VSTM5: variants seen among roughly 807,000 people sequenced by gnomAD.
VSTM5 encodes the protein V-set and transmembrane domain containing 5, also known as V-set and transmembrane domain-containing protein 5.
A neutral mutation model predicts 20.3 loss-of-function variants in VSTM5; 21 were observed. The ratio of observed to expected loss-of-function variants is 1.03; its 90% confidence interval spans 0.73 to 1.49. VSTM5 has a LOEUF of 1.49. Ranked by LOEUF, VSTM5 falls within the 40% of genes most tolerant of loss-of-function variation. The pLI is 0.00. For synonymous variants in VSTM5, 100 were observed against 102.5 expected (o/e 0.98, Z 0.14); for missense variants, 219 against 250.0 (o/e 0.88, Z 0.84).
intron 1 of VSTM5, 151 bp downstream of exon 1, chr11:93,850,261 G>T: frequency 1.8e-6 from 1 of 569,686 alleles, no homozygotes; most frequent in Non-Finnish European, 2.9e-6. Flanking sequence ...CGAGGAAGCG[G>T]CGCGGTGCCT....
At chr11:93,850,151 C>A (rs925426579) in intron 1 of VSTM5, among the ~76,000 whole-genome samples, 1 of 152,086 alleles carries the variant, frequency 6.6e-6, no homozygotes, top group Non-Finnish European at 1.5e-5. Context: ...GTGGGGCGGG[C>A]GCCCCGAAGT....
At chr11:93,836,588 C>T (rs199513295) in intron 1 of VSTM5, among the ~76,000 whole-genome samples, 2 of 152,370 alleles carry the variant, frequency 1.3e-5, no homozygotes, top group East Asian at 3.9e-4. Context: ...TTCATTCATC[C>T]TTCAGATCTC....
At chr11:93,826,805 T>A (rs1317045487) in intron 1 of VSTM5, among the ~76,000 whole-genome samples, 1 of 152,202 alleles carries the variant, frequency 6.6e-6, no homozygotes, top group Admixed American at 6.5e-5. Flanking sequence ...CATTTTTATT[T>A]GTTTCAAGAT....
At position 93,821,264 on chromosome 11, in the gene VSTM5, T is replaced by A. The variant is rs1944183768; in HGVS notation, c.151A>T (p.Ile51Phe). Residue 51 changes from isoleucine to phenylalanine, a missense_variant, in exon 2 of 4, where the codon ATC becomes TTC. Coordinates refer to ENST00000409977, the MANE Select transcript of VSTM5 (RefSeq NM_001144871.2). ...CAGGAGTACTCAACTGAGAGCAGGATGTCTTCTTTGACAGTGGCATTGATG... is the reference window on the plus strand; with the variant it reads ...CAGGAGTACTCAACTGAGAGCAGGAAGTCTTCTTTGACAGTGGCATTGATG... The part of the protein sequence containing the change: ...ATINATVKED[I>F]LLSVEYSCHG... 4.5e-6 allele frequency: 7 copies of A among 1,551,744 alleles called. No individual in the cohort carries two copies. The highest frequency in any genetic ancestry group is 6.1e-6 in the Non-Finnish European group (7 of 1,147,028).
rs576217224 is a variant in VSTM5 at position 93,833,492 on chromosome 11, A to G, written c.92-12169T>C. Among the ~76,000 whole-genome samples the G allele has an allele frequency of 5.3e-5, 8 of 152,242 alleles. No homozygotes were observed. In the East Asian group the frequency reaches 1.5e-3, roughly 29 times the overall value. The stretch of plus-strand genomic sequence containing the variant: ...TACTTGAGTGGCTGAGGGTGGGAGG[A>G]TAGCTTCAGCTCAGGAGGCAGAGGT... On this transcript the variant is annotated intron_variant, in intron 1 of 3. Transcript: ENST00000409977.
intron 1 of VSTM5, among the ~76,000 whole-genome samples, chr11:93,847,373 C>A (rs909176471): frequency 5.9e-5 from 9 of 152,162 alleles, no homozygotes; most frequent in African/African-American, 2.2e-4. Context: ...ATCCCATCCG[C>A]CCCCACCTTC....
chr11:93,836,783 G>A (rs985247370), intron 1 of VSTM5, among the ~76,000 whole-genome samples: 2 of 152,102 alleles, frequency 1.3e-5, no homozygotes, highest in African/African-American at 2.4e-5. Flanking sequence ...TTGCCTATTT[G>A]GTTCCCTGTT....
rs370598134 is a variant in VSTM5 at position 93,822,162 on chromosome 11, A to C, written c.92-839T>G. On this transcript the variant is annotated intron_variant, in intron 1 of 3. Coordinates refer to ENST00000409977, the MANE Select transcript of VSTM5 (RefSeq NM_001144871.2). Reference sequence around the variant, plus strand: ...AATGGCTCGATCTCAGCTCACTGCAACCTCCACCTCCTGGGTTGAAGCGAT... The same window carrying C: ...AATGGCTCGATCTCAGCTCACTGCACCCTCCACCTCCTGGGTTGAAGCGAT... 9 of 146,866 alleles carry C rather than the reference A, an allele frequency of 6.1e-5. No individual in the cohort carries two copies. The East Asian group carries it at 1.9e-3, about 31-fold the overall frequency. 9.1% of individuals were successfully genotyped at this position (146,866 alleles called of 1,614,324 possible). A position where few individuals can be genotyped will look rare whatever the true frequency, so the allele number is the denominator to read the frequency against.
chr11:93,841,651 G>C (rs1190948450), intron 1 of VSTM5, among the ~76,000 whole-genome samples: 1 of 152,238 alleles, frequency 6.6e-6, no homozygotes, highest in Non-Finnish European at 1.5e-5. Context: ...AAAGGATTCT[G>C]TAAGACCTCA....
intron 1 of VSTM5, among the ~76,000 whole-genome samples, chr11:93,844,202 C>A (rs1944394386): frequency 6.6e-6 from 1 of 152,154 alleles, no homozygotes; most frequent in Non-Finnish European, 1.5e-5. Context: ...CTCTGAAATC[C>A]CATCCCGAAG....
intron 1 of VSTM5, among the ~76,000 whole-genome samples, chr11:93,835,001 T>A (rs1012983695): frequency 1.3e-5 from 2 of 152,092 alleles, no homozygotes; most frequent in African/African-American, 4.8e-5. Context: ...AGTTTGGCTC[T>A]CAATGAGCCT....
chr11:93,825,479 G>C (rs1163355853), intron 1 of VSTM5, among the ~76,000 whole-genome samples: 1 of 152,128 alleles, frequency 6.6e-6, no homozygotes, highest in African/African-American at 2.4e-5. Context: ...CTGCTTTTTT[G>C]ATTTCTCTGA....
At chr11:93,821,689 C>T (rs1019475173) in intron 1 of VSTM5, 7 of 228,700 alleles carry the variant, frequency 3.1e-5, no homozygotes, top group Admixed American at 2.6e-4. Context: ...CTCCTTCTCA[C>T]TCAAGCCCTC....
intron 1 of VSTM5, among the ~76,000 whole-genome samples, chr11:93,840,440 C>A (rs191329981): frequency 2.4e-4 from 37 of 152,226 alleles, no homozygotes; most frequent in African/African-American, 8.7e-4. Context: ...AGCTGAAGAC[C>A]ATTTATTAGA....
intron 1 of VSTM5, 66 bp from the exon 2 acceptor site, chr11:93,821,389 A>G: frequency 7.4e-7 from 1 of 1,360,488 alleles, no homozygotes; most frequent in Non-Finnish European, 1.0e-6. Flanking sequence ...AACTTATATA[A>G]TTTGTTGATC....
At chr11:93,845,994 C>A (rs1944408145) in intron 1 of VSTM5, among the ~76,000 whole-genome samples, 1 of 152,184 alleles carries the variant, frequency 6.6e-6, no homozygotes, top group Admixed American at 6.5e-5. Flanking sequence ...TCCAGGCTGA[C>A]AAAAATTGTA....
rs999904520 is a variant in VSTM5, at chr11:93,820,102, G to A, written c.*467C>T. On this transcript the variant is annotated 3_prime_UTR_variant, in exon 4 of 4. Transcript: ENST00000409977. Reference sequence around the variant, plus strand: ...CTCCCACAGCAGTGCTTGCTTGTGGGATACCAGATGGGGGGCTGGTTGGCA... The same window carrying A: ...CTCCCACAGCAGTGCTTGCTTGTGGAATACCAGATGGGGGGCTGGTTGGCA... The A allele has an allele frequency of 1.1e-5, 2 of 182,466 alleles. No individual in the cohort carries two copies. Among genetic ancestry groups the A allele is most frequent in the Non-Finnish European group, 2.3e-5 (2 of 87,388 alleles). The allele number at this position is 182,466 out of a possible 1,614,324, so 11.3% of individuals were successfully genotyped here. A position where few individuals can be genotyped will look rare whatever the true frequency, so the allele number is the denominator to read the frequency against.
chr11:93,823,204 CT>C (rs67984385), intron 1 of VSTM5, among the ~76,000 whole-genome samples: 118,307 of 148,662 alleles, frequency 0.8, 47,997 homozygotes, highest in Admixed American at 0.89. Flanking sequence ...TTTTCCTTTT[CT>C]TTTTTTTTTT....
At position 93,845,032 on chromosome 11, in the gene VSTM5, G is replaced by A. The variant is rs773023825; in HGVS notation, c.91+5380C>T. 2.6e-5 allele frequency among the ~76,000 whole-genome samples: 4 copies of A among 151,800 alleles called. 1 individual carries two copies. Among genetic ancestry groups the A allele is most frequent in the Admixed American group, 6.6e-5 (1 of 15,254 alleles). On this transcript the variant is annotated intron_variant, in intron 1 of 3. Transcript: ENST00000409977. ...TCTAAGACACAACGTTGGGTGTTCT[G>A]AGAACAGCAGGAGGGAGATGTGCTG...
Sources: gnomAD v4.1 joint callset for allele counts (sites outside exome capture counted in the v4.1 genomes callset) on GRCh38, gnomAD v4.1.1 for gene constraint, MANE v1.5 for transcripts, NCBI Gene and HGNC (gene_info 2026-07-23, HGNC 2026-07-21) for gene names.